CLPTM1: variants seen among roughly 807,000 people sequenced by gnomAD.
CLPTM1 encodes putative lipid scramblase CLPTM1.
In CLPTM1, 21 loss-of-function variants were observed where a neutral mutation model predicts 77.3. The ratio of observed to expected loss-of-function variants is 0.27; its 90% confidence interval spans 0.19 to 0.39. The LOEUF is 0.39. CLPTM1 is among the 10% of genes least tolerant of loss of function. The pLI is 1.00. For missense variants in CLPTM1, 642 were observed against 921.2 expected (o/e 0.70, Z 3.92); for synonymous variants, 373 against 381.0 (o/e 0.98, Z 0.24).
chr19:44,955,278 C>A, upstream of CLPTM1: 1 of 1,462,114 alleles, frequency 6.8e-7, no homozygotes, highest in Non-Finnish European at 9.0e-7. Context: ...GGCTGCGGCA[C>A]TCTTGCCGGA....
intron 2 of CLPTM1, among the ~76,000 whole-genome samples, chr19:44,963,065 G>C (rs1347320860): frequency 6.6e-6 from 1 of 150,894 alleles, no homozygotes; most frequent in Non-Finnish European, 1.5e-5. Flanking sequence ...AAAATTAGCT[G>C]GGTGTGGTGG....
At chr19:44,966,880 C>T (rs998777613) in intron 2 of CLPTM1, among the ~76,000 whole-genome samples, 5 of 152,014 alleles carry the variant, frequency 3.3e-5, no homozygotes, top group Admixed American at 6.6e-5. Context: ...CTCGCTCCGT[C>T]GCCCAGGCTG....
At position 44,990,506 on chromosome 19, in the gene CLPTM1, C is replaced by T. The variant is rs778925393; in HGVS notation, c.1244C>T (p.Thr415Ile). The change falls in exon 10 of 14, where the codon ACC becomes ATC. Residue 415 changes from threonine to isoleucine, a missense_variant. By Grantham distance (89) the Thr-to-Ile change is moderately conservative. Coordinates refer to ENST00000337392, the MANE Select transcript of CLPTM1 (RefSeq NM_001294.4). The surrounding 1 kb of genome is among the most constrained non-coding windows in gnomAD (Gnocchi z 4.8). ...VVLLYILDNE[T>I]NFVVQVSVFI... ...CTCCTCTACATCCTGGACAACGAGA[C>T]CAACTTCGTGGTCCAGGTCAGCGTC... is the stretch of plus-strand genomic sequence containing the variant. The T allele has an allele frequency of 1.9e-5, 30 of 1,614,144 alleles. No individual in the cohort carries two copies. In the East Asian group the frequency reaches 5.8e-4, roughly 31 times the overall value.
chr19:44,975,644 A>G lies in CLPTM1; in HGVS notation c.468+1047A>G, dbSNP rs528095659. Among the ~76,000 whole-genome samples, 7 of 151,826 alleles carry G rather than the reference A, an allele frequency of 4.6e-5. No homozygotes were observed. In the East Asian group the frequency reaches 9.7e-4, roughly 21 times the overall value. Reference sequence around the variant, plus strand: ...CAGTGGCGCAACCTTGGCTCACTGCAACTTCACCTCCCAGGTTCAAGCGAT... The same window carrying G: ...CAGTGGCGCAACCTTGGCTCACTGCGACTTCACCTCCCAGGTTCAAGCGAT... On this transcript the variant is annotated intron_variant, in intron 4 of 13. Coordinates refer to ENST00000337392, the MANE Select transcript of CLPTM1 (RefSeq NM_001294.4).
intron 2 of CLPTM1, among the ~76,000 whole-genome samples, chr19:44,972,725 G>A (rs192908219): frequency 5.9e-5 from 9 of 151,422 alleles, no homozygotes; most frequent in Non-Finnish European, 1.0e-4. Context: ...GTCTCCTCTC[G>A]GGGGATCCCA....
intron 5 of CLPTM1, among the ~76,000 whole-genome samples, chr19:44,980,147 A>G (rs1970871680): frequency 6.6e-6 from 1 of 152,156 alleles, no homozygotes; most frequent in Non-Finnish European, 1.5e-5. Context: ...CCCTCAAAGC[A>G]GGGACATAGA....
In CLPTM1 at chr19:44,991,292, G is replaced by A. The variant is rs200044158; in HGVS notation, c.1474G>A (p.Val492Ile). 6.8e-5 allele frequency: 109 copies of A among 1,613,950 alleles called. No homozygotes were observed. The South Asian group carries it at 7.7e-4, about 11-fold the overall frequency. Residue 492 changes from valine (V) to isoleucine (I), a missense_variant, in exon 12 of 14, where the codon GTC becomes ATC. This residue lies in a region of CLPTM1 where 521 missense variants were observed against 800.4 expected (regional missense o/e 0.65). Transcript: ENST00000337392. This position sits in a 1 kb window ranked among gnomAD's most constrained non-coding sequence, Gnocchi z 5.4. Reference sequence around the variant, plus strand: ...CTTCCCGCTCCTGGGCTGCTATGCCGTCTACAGTCTTCTGTACCTGGAGCA... The same window carrying A: ...CTTCCCGCTCCTGGGCTGCTATGCCATCTACAGTCTTCTGTACCTGGAGCA... ...ILFPLLGCYA[V>I]YSLLYLEHKG...
At position 44,957,120 on chromosome 19, in the gene CLPTM1, A is replaced by G. The variant is rs536241012; in HGVS notation, c.72+1653A>G. Among the ~76,000 whole-genome samples the G allele has an allele frequency of 2.0e-5, 3 of 152,344 alleles. No individual in the cohort carries two copies. The East Asian group carries it at 5.8e-4, about 29-fold the overall frequency. ...GGGGCAAAGCCATCCCTGCGTGAGA[A>G]CAACTGCGCTAAAGGGGATCCGCTG... On this transcript the variant is annotated intron_variant, in intron 1 of 13. Transcript: ENST00000337392.
intron 2 of CLPTM1, among the ~76,000 whole-genome samples, chr19:44,972,717 C>A (rs552176209): frequency 6.6e-6 from 1 of 151,946 alleles, no homozygotes; most frequent in African/African-American, 2.4e-5. Context: ...GATTCTTAGT[C>A]TCCTCTCGGG....
chr19:44,955,337 G>T (rs1970442403), upstream of CLPTM1: 3 of 1,358,248 alleles, frequency 2.2e-6, no homozygotes, highest in South Asian at 1.8e-5. Flanking sequence ...GCGCGATTGC[G>T]CTGCGAAGTC....
chr19:44,992,811 C>G lies in CLPTM1; in HGVS notation c.1924C>G (p.Pro642Ala), dbSNP rs1212819864. ...ATREEASTSLPTKPTQGASSA... is the reference protein window; with the variant it reads ...ATREEASTSLATKPTQGASSA... ...CAGGGAGGAGGCCTCCACGTCCCTG[C>G]CCACCAAGCCCACCCAGGGGGCCAG... is the stretch of plus-strand genomic sequence containing the variant. Residue 642 changes from proline to alanine, a missense_variant, in exon 14 of 14, where the codon CCC (proline) becomes GCC (alanine). By Grantham distance (27) the Pro-to-Ala change is conservative. Coordinates refer to ENST00000337392, the MANE Select transcript of CLPTM1 (RefSeq NM_001294.4). This position sits in a 1 kb window ranked among gnomAD's most constrained non-coding sequence, Gnocchi z 7.7. The G allele has an allele frequency of 1.9e-6, 3 of 1,613,528 alleles. No homozygotes were observed. Among genetic ancestry groups the G allele is most frequent in the Non-Finnish European group, 2.5e-6 (3 of 1,179,866 alleles).
chr19:44,974,903 C>T (rs910975295), intron 4 of CLPTM1, among the ~76,000 whole-genome samples: 1 of 152,212 alleles, frequency 6.6e-6, no homozygotes, highest in African/African-American at 2.4e-5. Context: ...GTTTGCCTAT[C>T]ACCAGTTTAT....
At chr19:44,985,944 C>T (rs899289240) in intron 6 of CLPTM1, among the ~76,000 whole-genome samples, 3 of 152,146 alleles carry the variant, frequency 2.0e-5, no homozygotes, top group African/African-American at 7.2e-5. Flanking sequence ...CGGTTTTCTA[C>T]ATGTGGGGTG....
At chr19:44,974,796 TA>T (rs1381944639) in intron 4 of CLPTM1, among the ~76,000 whole-genome samples, 199 bp downstream of exon 4, 1 of 152,176 alleles carries the variant, frequency 6.6e-6, no homozygotes, top group African/African-American at 2.4e-5. Flanking sequence ...AAAAGGTAGA[TA>T]GGGGTGGAAT....
chr19:44,959,782 CT>C (rs1173636359), intron 1 of CLPTM1, among the ~76,000 whole-genome samples: 3 of 152,172 alleles, frequency 2.0e-5, no homozygotes, highest in African/African-American at 7.2e-5. Context: ...ACTTTCCCCC[CT>C]AGCAGCATAC....
chr19:44,990,783 G>A lies in CLPTM1; in HGVS notation c.1324-67G>A. 3 of 1,417,600 alleles carry A rather than the reference G, an allele frequency of 2.1e-6. No homozygotes were observed. Among genetic ancestry groups the A allele is most frequent in the African/African-American group, 1.4e-5 (1 of 70,678 alleles). The allele number at this position is 1,417,600 out of a possible 1,614,324, so 87.8% of individuals were successfully genotyped here. A position where few individuals can be genotyped will look rare whatever the true frequency, so the allele number is the denominator to read the frequency against. ...ACTGGGAACGGTGGGGAAGGGCAGGGGCTGGTTCTGGCTTGTGGGGTGGGA... is the reference window on the plus strand; with the variant it reads ...ACTGGGAACGGTGGGGAAGGGCAGGAGCTGGTTCTGGCTTGTGGGGTGGGA... On this transcript the variant is annotated intron_variant, in intron 10 of 13. Transcript: ENST00000337392. The surrounding 1 kb of genome is among the most constrained non-coding windows in gnomAD (Gnocchi z 4.8).
intron 2 of CLPTM1, among the ~76,000 whole-genome samples, chr19:44,967,344 T>C (rs910976027): frequency 5.3e-5 from 8 of 150,568 alleles, no homozygotes; most frequent in East Asian, 2.0e-4. Flanking sequence ...TTAGGAAATA[T>C]ATAGTGAAAC....
At chr19:44,974,746 C>T in intron 4 of CLPTM1, 149 bp downstream of exon 4, 2 of 877,898 alleles carry the variant, frequency 2.3e-6, no homozygotes, top group Non-Finnish European at 3.4e-6. Flanking sequence ...GACCACAAGC[C>T]AGTCCCTGAG....
chr19:44,972,042 T>C (rs1252078056), intron 2 of CLPTM1, among the ~76,000 whole-genome samples: 2 of 151,594 alleles, frequency 1.3e-5, no homozygotes, highest in African/African-American at 2.4e-5. Context: ...AGTTAATTTT[T>C]GTATTTTTAG....
Sources: gnomAD v4.1 joint callset for allele counts (sites outside exome capture counted in the v4.1 genomes callset) on GRCh38, gnomAD v4.1.1 for gene constraint, gnomAD v4.1.1 regional missense constraint, Gnocchi (gnomAD v3.1) non-coding constraint, MANE v1.5 for transcripts, NCBI Gene and HGNC (gene_info 2026-07-23, HGNC 2026-07-21) for gene names.